Variants in FRMD4B observed in about 807,000 individuals in gnomAD.
FRMD4B encodes FERM domain-containing protein 4B.
A neutral mutation model predicts 141.5 loss-of-function variants in FRMD4B; 74 were observed. That is an observed-to-expected ratio of 0.52 (90% CI 0.43 to 0.63). The LOEUF (loss-of-function observed/expected upper bound fraction) is 0.63. FRMD4B is among the 30% of genes least tolerant of loss of function. The probability of loss-of-function intolerance (pLI) is 0.00; values close to 1 mark genes in which losing one functional copy is unlikely to be tolerated. For missense variants in FRMD4B, 1,366 were observed against 1,253.4 expected (o/e 1.09, Z -1.36); for synonymous variants, 506 against 467.9 (o/e 1.08, Z -1.05).
intron 1 of FRMD4B, among the ~76,000 whole-genome samples, chr3:69,542,031 C>A (rs1412721924): frequency 6.6e-6 from 1 of 152,176 alleles, no homozygotes; most frequent in Non-Finnish European, 1.5e-5. Flanking sequence ...CTGCACTAGA[C>A]CTCGAGCCCC....
chr3:69,504,713 T>C (rs1014630488), intron 1 of FRMD4B, among the ~76,000 whole-genome samples: 2 of 152,220 alleles, frequency 1.3e-5, no homozygotes, highest in African/African-American at 4.8e-5. Context: ...TCATCAGTAA[T>C]GGATATTTGG....
intron 2 of FRMD4B, among the ~76,000 whole-genome samples, chr3:69,391,297 G>C (rs2106722969): frequency 6.6e-6 from 1 of 151,136 alleles, no homozygotes; most frequent in East Asian, 1.9e-4. Context: ...CGTGCACAAT[G>C]TGCAGGTTTG....
chr3:69,290,858 G>GCTCTTAACCAACATCTC (rs1188575865), intron 4 of FRMD4B, among the ~76,000 whole-genome samples: 1 of 152,158 alleles, frequency 6.6e-6, no homozygotes, highest in East Asian at 1.9e-4. Flanking sequence ...TGTGGACAGT[G>GCTCTTAACCAACATCTC]CTCTTAACCA....
chr3:69,386,458 C>A (rs1384559636), upstream of FRMD4B, among the ~76,000 whole-genome samples: 1 of 152,102 alleles, frequency 6.6e-6, no homozygotes, highest in Non-Finnish European at 1.5e-5. Flanking sequence ...AGACACACAC[C>A]CCCCACACCG....
At chr3:69,527,610 C>T (rs1235678553) in intron 1 of FRMD4B, among the ~76,000 whole-genome samples, 2 of 152,162 alleles carry the variant, frequency 1.3e-5, no homozygotes, top group South Asian at 2.1e-4. Context: ...AAATACAATG[C>T]TATTTTGAAA....
intron 7 of FRMD4B, among the ~76,000 whole-genome samples, chr3:69,229,686 T>C (rs180800162): frequency 1.8e-4 from 28 of 152,306 alleles, no homozygotes; most frequent in African/African-American, 6.3e-4. Flanking sequence ...TCATAAGTTA[T>C]CAAGGAAATG....
chr3:69,442,592 A>C (rs1233591619), intron 1 of FRMD4B, among the ~76,000 whole-genome samples: 1 of 152,056 alleles, frequency 6.6e-6, no homozygotes, highest in Non-Finnish European at 1.5e-5. Context: ...TGAGTATTAA[A>C]TACTAGGTTA....
chr3:69,285,176 A>G (rs964266495), intron 5 of FRMD4B, among the ~76,000 whole-genome samples: 48 of 152,294 alleles, frequency 3.2e-4, no homozygotes, highest in Middle Eastern at 6.8e-3. Flanking sequence ...AAAATAAAAC[A>G]AAACAAAAAA....
chr3:69,176,566 C>T lies in FRMD4B; in HGVS notation c.2942G>A (p.Ser981Asn). 1 of 1,612,042 alleles carries T rather than the reference C, an allele frequency of 6.2e-7. No homozygotes were observed. Among genetic ancestry groups the T allele is most frequent in the Non-Finnish European group, 8.5e-7 (1 of 1,178,128 alleles). Residue 981 changes from serine to asparagine, a missense_variant, in exon 22 of 23, where the codon AGC (serine) becomes AAC (asparagine). Coordinates refer to ENST00000398540, the MANE Select transcript of FRMD4B (RefSeq NM_015123.3). ...AGGATTATAGACATTGCCATAGCAG[C>T]TGGTGTAAGAAGAATGTGCTGGAGT... ...YETPAHSSYT[S>N]CYGNVYNPLP...
chr3:69,238,382 G>A (rs1003088398), intron 7 of FRMD4B, among the ~76,000 whole-genome samples: 1 of 152,166 alleles, frequency 6.6e-6, no homozygotes, highest in Non-Finnish European at 1.5e-5. Context: ...TAACCTTTGT[G>A]AGCCTGCATT....
At chr3:69,222,933 C>G (rs1369445877) in intron 8 of FRMD4B, among the ~76,000 whole-genome samples, 1 of 152,170 alleles carries the variant, frequency 6.6e-6, no homozygotes, top group Non-Finnish European at 1.5e-5. Context: ...TAAGGCCTAT[C>G]CTCTCTTTGG....
chr3:69,512,246 G>T (rs948977430), intron 1 of FRMD4B, among the ~76,000 whole-genome samples: 1 of 152,030 alleles, frequency 6.6e-6, no homozygotes, highest in Non-Finnish European at 1.5e-5. Flanking sequence ...ACATAGACTT[G>T]GGCCCTACTT....
At chr3:69,404,242 T>C (rs1020624701) in intron 2 of FRMD4B, among the ~76,000 whole-genome samples, 3 of 152,134 alleles carry the variant, frequency 2.0e-5, no homozygotes, top group African/African-American at 7.2e-5. Flanking sequence ...AAATCGCAAA[T>C]AGAAAATACA....
chr3:69,199,385 C>G (rs1175819961), intron 11 of FRMD4B: 1 of 152,246 alleles, frequency 6.6e-6, no homozygotes, highest in Non-Finnish European at 1.5e-5. Context: ...ATAAGGAAAT[C>G]TGCACAGATT....
intron 1 of FRMD4B, among the ~76,000 whole-genome samples, chr3:69,436,235 C>T (rs1240371527): frequency 6.6e-6 from 1 of 152,066 alleles, no homozygotes; most frequent in Non-Finnish European, 1.5e-5. Flanking sequence ...ATAATAAAAC[C>T]TCTAATAATG....
chr3:69,450,659 C>T (rs1215699067), intron 1 of FRMD4B, among the ~76,000 whole-genome samples: 2 of 152,120 alleles, frequency 1.3e-5, no homozygotes, highest in Admixed American at 6.5e-5. Flanking sequence ...GAGGCTGAGG[C>T]AGGAGAATCG....
At chr3:69,475,784 G>A (rs936563176) in intron 1 of FRMD4B, among the ~76,000 whole-genome samples, 3 of 151,188 alleles carry the variant, frequency 2.0e-5, no homozygotes, top group African/African-American at 4.9e-5. Context: ...TCGCCACACC[G>A]ACTTCCACAA....
At chr3:69,386,109 T>C, upstream of FRMD4B, 3 of 929,420 alleles carry the variant, frequency 3.2e-6, no homozygotes, top group Non-Finnish European at 4.6e-6. Flanking sequence ...GGGTCAAGCC[T>C]GCCACCAAAC....
chr3:69,446,489 C>A (rs1251557436), intron 1 of FRMD4B, among the ~76,000 whole-genome samples: 1 of 152,132 alleles, frequency 6.6e-6, no homozygotes, highest in African/African-American at 2.4e-5. Context: ...CACACCACCA[C>A]ACCTGGCTAA....
Sources: gnomAD v4.1 joint callset for allele counts (sites outside exome capture counted in the v4.1 genomes callset) on GRCh38, gnomAD v4.1.1 for gene constraint, MANE v1.5 for transcripts, NCBI Gene and HGNC (gene_info 2026-07-23, HGNC 2026-07-21) for gene names.